AVEN: variants seen among roughly 807,000 people sequenced by gnomAD.
AVEN encodes cell death regulator Aven.
In AVEN, 41 loss-of-function variants were observed where a neutral mutation model predicts 38.1. The ratio of observed to expected loss-of-function variants is 1.08; its 90% CI spans 0.84 to 1.40. The LOEUF is 1.40. Ranked by LOEUF, AVEN falls within the 40% of genes most tolerant of loss-of-function variation. The pLI is 0.00. For missense variants in AVEN, 605 were observed against 438.8 expected, an observed-to-expected ratio of 1.38 and a Z score of -3.38; for synonymous variants, 206 against 171.8, an observed-to-expected ratio of 1.20 and a Z score of -1.56.
intron 2 of AVEN, among the ~76,000 whole-genome samples, chr15:33,883,006 T>A (rs914477150): frequency 1.3e-5 from 2 of 152,214 alleles, no homozygotes; most frequent in African/African-American, 4.8e-5. Context: ...AATGCTTCAA[T>A]TTCTAGGATT....
chr15:33,891,270 A>G (rs930951920), intron 2 of AVEN, among the ~76,000 whole-genome samples: 4 of 152,172 alleles, frequency 2.6e-5, no homozygotes, highest in Admixed American at 2.6e-4. Context: ...TCTAGGGCAC[A>G]TGTGCACAAC....
downstream of AVEN, among the ~76,000 whole-genome samples, chr15:33,863,083 T>TTGGAA (rs1889036831): frequency 6.6e-6 from 1 of 152,146 alleles, no homozygotes; most frequent in Admixed American, 6.5e-5. Flanking sequence ...GTCCTTTGGG[T>TTGGAA]TGGAACCCCT....
intron 2 of AVEN, among the ~76,000 whole-genome samples, chr15:33,891,234 T>C (rs1031756488): frequency 6.6e-6 from 1 of 152,226 alleles, no homozygotes; most frequent in Non-Finnish European, 1.5e-5. Flanking sequence ...TATTTTTTAA[T>C]GGTTTGTTTT....
intron 2 of AVEN, among the ~76,000 whole-genome samples, chr15:33,949,027 GTTC>G (rs753166399): frequency 7.9e-5 from 12 of 151,774 alleles, no homozygotes; most frequent in South Asian, 2.1e-4. Flanking sequence ...TCAACAAACA[GTTC>G]TTCTTTTTTT....
At chr15:33,976,354 T>C (rs1225582627) in intron 2 of AVEN, among the ~76,000 whole-genome samples, 2 of 152,234 alleles carry the variant, frequency 1.3e-5, no homozygotes, top group African/African-American at 2.4e-5. Flanking sequence ...AAGTGAGTAA[T>C]GTCGCTTTTT....
chr15:33,939,665 A>G lies in AVEN; in HGVS notation c.445+63367T>C, dbSNP rs1052435229. Among the ~76,000 whole-genome samples, 3 of 152,218 alleles carry G rather than the reference A, an allele frequency of 2.0e-5. No individual in the cohort carries two copies. The South Asian group carries it at 6.2e-4, about 32-fold the overall frequency. On this transcript the variant is annotated intron_variant, in intron 2 of 5. Transcript: ENST00000306730. The stretch of plus-strand genomic sequence containing the variant: ...CTCGTGTTTAGCTTTCTCATCTTAA[A>G]AATAGGATGATTGCTAAACGTTGCT...
At chr15:33,977,479 G>A (rs988385581) in intron 2 of AVEN, among the ~76,000 whole-genome samples, 1 of 152,054 alleles carries the variant, frequency 6.6e-6, no homozygotes, top group African/African-American at 2.4e-5. Flanking sequence ...ATTCTCTTTT[G>A]TTAGGAGGCT....
At chr15:33,896,104 T>G (rs1427332859) in intron 2 of AVEN, among the ~76,000 whole-genome samples, 1 of 152,182 alleles carries the variant, frequency 6.6e-6, no homozygotes, top group Non-Finnish European at 1.5e-5. Context: ...TGTTTCCAAG[T>G]AACTTAATTA....
intron 2 of AVEN, among the ~76,000 whole-genome samples, chr15:33,921,745 TACTCA>T (rs746286525): frequency 1.3e-5 from 2 of 151,512 alleles, no homozygotes; most frequent in Non-Finnish European, 2.9e-5. Context: ...ACAAGAATCA[TACTCA>T]AAATGTAAGC....
intron 3 of AVEN, among the ~76,000 whole-genome samples, chr15:33,871,752 G>A (rs1177431003): frequency 7.5e-6 from 1 of 132,596 alleles, no homozygotes; most frequent in African/African-American, 2.8e-5. Flanking sequence ...TGTTGCGAAG[G>A]TTTCAAACGA....
intron 2 of AVEN, chr15:33,885,792 T>C (rs559674414): frequency 6.6e-6 from 1 of 152,358 alleles, no homozygotes; most frequent in East Asian, 1.9e-4. Flanking sequence ...CTAGGCTTTA[T>C]GAGAAAAGGA....
intron 5 of AVEN, among the ~76,000 whole-genome samples, chr15:34,047,346 G>A (rs973728057): frequency 3.3e-5 from 5 of 152,150 alleles, no homozygotes; most frequent in Non-Finnish European, 7.4e-5. Flanking sequence ...CAAAGTGCTG[G>A]GATTACAGGC....
At chr15:33,866,896 G>C (rs1444897899) in intron 5 of AVEN, among the ~76,000 whole-genome samples, 168 bp from the exon 6 acceptor site, 1 of 152,040 alleles carries the variant, frequency 6.6e-6, no homozygotes, top group Non-Finnish European at 1.5e-5. Flanking sequence ...TAGAGGATTT[G>C]CTCTTTATTC....
At chr15:33,865,400 A>ATGGACATACACTGTGGGAGAGAACC (rs1890167140), downstream of AVEN, 16 of 587,310 alleles carry the variant, frequency 2.7e-5, no homozygotes, top group South Asian at 3.5e-4. Flanking sequence ...TTTGTGCCTA[A>ATGGACATACACTGTGGGAGAGAACC]TGGACATACA....
At chr15:33,968,393 A>T (rs1895480360) in intron 2 of AVEN, among the ~76,000 whole-genome samples, 1 of 152,076 alleles carries the variant, frequency 6.6e-6, no homozygotes, top group South Asian at 2.1e-4. Context: ...TCCTTTCAGG[A>T]TATACTGCTG....
intron 1 of AVEN, among the ~76,000 whole-genome samples, chr15:34,008,620 C>T (rs1897481443): frequency 6.6e-6 from 1 of 150,696 alleles, no homozygotes; most frequent in Non-Finnish European, 1.5e-5. Flanking sequence ...TCCCAAGTAG[C>T]TGGGACCACA....
chr15:33,940,410 T>C (rs1263815204), intron 2 of AVEN, among the ~76,000 whole-genome samples: 2 of 152,210 alleles, frequency 1.3e-5, no homozygotes, highest in African/African-American at 4.8e-5. Context: ...TATTATGAAT[T>C]ACTAGTTAGC....
intron 2 of AVEN, among the ~76,000 whole-genome samples, chr15:33,984,073 G>A (rs1457475987): frequency 6.6e-6 from 1 of 152,046 alleles, no homozygotes; most frequent in Non-Finnish European, 1.5e-5. Flanking sequence ...AATGTAATGT[G>A]GTATCCTGAG....
At chr15:33,963,784 G>A (rs763154838) in intron 2 of AVEN, among the ~76,000 whole-genome samples, 11 of 113,622 alleles carry the variant, frequency 9.7e-5, no homozygotes, top group East Asian at 2.6e-4. Context: ...GCGACAGAGC[G>A]AGACTCTGTC....
Sources: allele counts gnomAD v4.1 joint callset (sites outside exome capture counted in the v4.1 genomes callset), GRCh38; gene constraint gnomAD v4.1.1; transcripts MANE v1.5; gene names NCBI Gene and HGNC (gene_info 2026-07-23, HGNC 2026-07-21).